Variants in MAST1 observed in about 807,000 individuals in gnomAD.
MAST1 encodes the protein microtubule associated serine/threonine kinase 1.
A neutral mutation model predicts 124.6 loss-of-function variants in MAST1; 40 were observed. That is an observed-to-expected ratio of 0.32 (90% confidence interval 0.25 to 0.42). The LOEUF (loss-of-function observed/expected upper bound fraction) is 0.42, where lower values mean the gene tolerates loss of function less well. MAST1 is among the 10% of genes least tolerant of loss of function. The probability of loss-of-function intolerance (pLI) is 1.00; values close to 1 mark genes in which losing one functional copy is unlikely to be tolerated. For synonymous variants in MAST1, 938 were observed against 939.4 expected (o/e 1.00, Z 0.03); for missense variants, 1,558 against 2,181.9 (o/e 0.71, Z 5.70).
At position 12,871,080 on chromosome 19, in the gene MAST1, C is replaced by T. The variant is rs1444617393; in HGVS notation, c.3171C>T (p.Thr1057=). Residue 1057 remains threonine (T), a synonymous_variant, in exon 24 of 26, where the codon ACC becomes ACT. Coordinates refer to ENST00000251472, the MANE Select transcript of MAST1 (RefSeq NM_014975.3). ...TGACCACAACGCCCTTCGAAAATACCTCTATCCGCATTGGTCCCGCAAGGC... is the reference window on the plus strand; with the variant it reads ...TGACCACAACGCCCTTCGAAAATACTTCTATCCGCATTGGTCCCGCAAGGC... ...VAVTTTPFEN[T]SIRIGPARRS... 6.2e-7 allele frequency: 1 copy of T among 1,614,216 alleles called. No individual in the cohort carries two copies. The highest frequency in any genetic ancestry group is 8.5e-7 in the Non-Finnish European group (1 of 1,180,038).
In MAST1 at chr19:12,874,815, C is replaced by G. The variant is rs1265415280; in HGVS notation, c.4658C>G (p.Pro1553Arg). 6.3e-7 allele frequency: 1 copy of G among 1,597,516 alleles called. No homozygotes were observed. The highest frequency in any genetic ancestry group is 2.3e-5 in the East Asian group (1 of 44,328). Residue 1553 changes from proline (P) to arginine (R), a missense_variant, in exon 26 of 26, where the codon CCC (proline) becomes CGC (arginine). Pro to Arg is a moderately radical substitution (Grantham distance 103). Around this residue, in one of 10 missense-constraint regions of MAST1, gnomAD observed 168 missense variants for 154.3 expected, o/e 1.09. Transcript: ENST00000251472. This position sits in a 1 kb window ranked among gnomAD's most constrained non-coding sequence, Gnocchi z 6.6. ...TCCCGGTGCCCTGCTGAAGCTGTGC[C>G]CCCAGCAGGCCTGACCAAAAAAGGA... Reference protein sequence around the residue: ...LTSRCPAEAVPPAGLTKKGVS... With the variant: ...LTSRCPAEAVRPAGLTKKGVS...
chr19:12,857,186 C>T (rs894174697), intron 10 of MAST1, among the ~76,000 whole-genome samples: 1 of 151,936 alleles, frequency 6.6e-6, no homozygotes, highest in Non-Finnish European at 1.5e-5. Context: ...TGGGTTCAAG[C>T]GATTCTCCTG....
intron 22 of MAST1, among the ~76,000 whole-genome samples, chr19:12,870,282 G>C (rs1970214922): frequency 6.6e-6 from 1 of 151,412 alleles, no homozygotes; most frequent in African/African-American, 2.4e-5. Context: ...GAGGTTAGGA[G>C]TTTGAGATCA....
chr19:12,843,769 G>A lies in MAST1; in HGVS notation c.327+162G>A, dbSNP rs1969859051. 1.3e-5 allele frequency among the ~76,000 whole-genome samples: 2 copies of A among 152,160 alleles called. No homozygotes were observed. Among genetic ancestry groups the A allele is most frequent in the Non-Finnish European group, 1.5e-5 (1 of 68,030 alleles). On this transcript the variant is annotated intron_variant, in intron 4 of 25. Transcript: ENST00000251472. The surrounding 1 kb of genome is among the most constrained non-coding windows in gnomAD (Gnocchi z 4.9). The stretch of plus-strand genomic sequence containing the variant: ...TAATCCCAGTACTTTGGGAGGCCAA[G>A]ACAGAAGGATTGCTTGAGCCTAGGA...
chr19:12,870,679 A>AAAT, intron 22 of MAST1, 145 bp from the exon 23 acceptor site: 1 of 908,188 alleles, frequency 1.1e-6, no homozygotes, highest in Non-Finnish European at 1.6e-6. Flanking sequence ...AAAAAAAAAA[A>AAAT]TGTGGGGGGA....
At chr19:12,842,232 G>A (rs535248226) in intron 3 of MAST1, among the ~76,000 whole-genome samples, 1 of 152,248 alleles carries the variant, frequency 6.6e-6, no homozygotes, top group East Asian at 1.9e-4. Flanking sequence ...GTGTGTGAGT[G>A]TGTGGCTGTG....
At chr19:12,873,580 T>A in intron 25 of MAST1, 29 bp from the exon 26 acceptor site, 2 of 1,578,466 alleles carry the variant, frequency 1.3e-6, no homozygotes, top group Non-Finnish European at 1.7e-6. Context: ...TGGGCTGTAC[T>A]CACTCGCTTC....
At chr19:12,863,763 T>C (rs1250978016) in intron 12 of MAST1, among the ~76,000 whole-genome samples, 3 of 152,050 alleles carry the variant, frequency 2.0e-5, no homozygotes, top group African/African-American at 4.8e-5. Flanking sequence ...AAAAAGGAAA[T>C]AGATATTGAG....
intron 12 of MAST1, 87 bp downstream of exon 12, chr19:12,858,826 A>G (rs1195120501): frequency 7.7e-7 from 1 of 1,296,446 alleles, no homozygotes; most frequent in East Asian, 2.4e-5. Flanking sequence ...CGCAGTCTCC[A>G]TATTGATTAG....
rs1256262803 is a variant in MAST1 at position 12,873,754 on chromosome 19, C to T, written c.3597C>T (p.Ala1199=). The T allele has an allele frequency of 2.5e-6, 4 of 1,601,470 alleles. No individual in the cohort carries two copies. The highest frequency in any genetic ancestry group is 3.4e-6 in the Non-Finnish European group (4 of 1,179,222). Residue 1199 remains alanine, a synonymous_variant, in exon 26 of 26, where the codon GCC becomes GCT. Coordinates refer to ENST00000251472, the MANE Select transcript of MAST1 (RefSeq NM_014975.3). Reference sequence around the variant, plus strand: ...ACCGCTCTGCGCGATGCAAGTCGGCCGGCAACATCCCTCTATCGCCGCTGG... The same window carrying T: ...ACCGCTCTGCGCGATGCAAGTCGGCTGGCAACATCCCTCTATCGCCGCTGG... ...RQYRSARCKS[A]GNIPLSPLAH...
chr19:12,867,417 T>C, intron 18 of MAST1, 57 bp from the exon 19 acceptor site: 2 of 1,597,698 alleles, frequency 1.3e-6, no homozygotes, highest in South Asian at 2.2e-5. Flanking sequence ...GGAAGCTGAT[T>C]AGCTCCGGAG....
Position 12,858,533 on chromosome 19 carries a change from C to T in MAST1, c.1160C>T (p.Ala387Val), listed in dbSNP as rs375774800. 1.6e-5 allele frequency: 26 copies of T among 1,614,004 alleles called. No individual in the cohort carries two copies. Among genetic ancestry groups the T allele is most frequent in the Non-Finnish European group, 2.1e-5 (25 of 1,179,964 alleles). The change falls in exon 12 of 26, where the codon GCT (alanine) becomes GTT (valine). Residue 387 changes from alanine to valine, a missense_variant and splice_region_variant. Transcript: ENST00000251472. ...IKLISNGAYG[A>V]VYLVRHRDTR... is the part of the protein sequence containing the mutation. ...GTCCTCGCTCTCTCCCCCTGCAGCG[C>T]TGTCTACCTGGTGCGGCACCGCGAC...
In MAST1 at chr19:12,841,610, G is replaced by A. The variant is rs1969828893; in HGVS notation, c.248+544G>A. On this transcript the variant is annotated intron_variant, in intron 3 of 25. Transcript: ENST00000251472. This position sits in a 1 kb window ranked among gnomAD's most constrained non-coding sequence, Gnocchi z 4.3. ...AGAGGTTTCTCTGATGTTTTCTGGA[G>A]AAACGTTTCTGGGAGTTTGGGCCTG... Among the ~76,000 whole-genome samples the A allele has an allele frequency of 6.6e-6, 1 of 152,218 alleles. No individual in the cohort carries two copies.
Position 12,858,390 on chromosome 19 carries a change from C to T in MAST1, c.1106C>T (p.Pro369Leu). 6.2e-7 allele frequency: 1 copy of T among 1,613,924 alleles called. No individual in the cohort carries two copies. The highest frequency in any genetic ancestry group is 8.5e-7 in the Non-Finnish European group (1 of 1,179,940). ...CGCAGCAGCAAGGCCAAGAAACCGC[C>T]GGGGGAGAATGACTTCGATACCATC... ...EGRSSKAKKP[P>L]GENDFDTIKL... Residue 369 changes from proline (P) to leucine (L), a missense_variant, in exon 11 of 26, where the codon CCG becomes CTG. Pro to Leu is a moderately conservative substitution (Grantham distance 98). Around this residue, in one of 10 missense-constraint regions of MAST1, gnomAD observed 136 missense variants for 160.9 expected, o/e 0.85. Coordinates refer to ENST00000251472, the MANE Select transcript of MAST1 (RefSeq NM_014975.3).
intron 10 of MAST1, among the ~76,000 whole-genome samples, chr19:12,854,973 G>A (rs1233097460): frequency 2.0e-5 from 3 of 152,188 alleles, no homozygotes; most frequent in African/African-American, 7.2e-5. Context: ...GCTCACGGCT[G>A]TAATCCCAGC....
At position 12,838,626 on chromosome 19, in the gene MAST1, C is replaced by T. The variant is rs1420980320; in HGVS notation, c.54C>T (p.Pro18=). The change falls in exon 1 of 26, where the codon CCC becomes CCT. Residue 18 remains proline (P), a synonymous_variant. Transcript: ENST00000251472. The surrounding 1 kb of genome is among the most constrained non-coding windows in gnomAD (Gnocchi z 4.3). ...CTAATTTCTCGATGCCCTCCTTCCC[C>T]GGCGGCAGTATGTTCCGCCGCACCA... ...ALSNFSMPSF[P]GGSMFRRTKS... 2 of 1,610,280 alleles carry T rather than the reference C, an allele frequency of 1.2e-6. No individual in the cohort carries two copies. The highest frequency in any genetic ancestry group is 2.7e-5 in the African/African-American group (2 of 74,380).
chr19:12,859,277 G>T (rs1014833003), intron 12 of MAST1, among the ~76,000 whole-genome samples: 18 of 151,988 alleles, frequency 1.2e-4, no homozygotes, highest in African/African-American at 4.3e-4. Flanking sequence ...ACAGGATTTC[G>T]CCATGTTTGC....
chr19:12,848,194 G>C lies in MAST1; in HGVS notation c.774+137G>C. 3.9e-6 allele frequency: 3 copies of C among 762,858 alleles called. No individual in the cohort carries two copies. The South Asian group carries it at 5.3e-5, about 13-fold the overall frequency. The allele number at this position is 762,858 out of a possible 1,614,324, so 47.3% of individuals were successfully genotyped here. ...GCACTGGCGTGGAGCTGAGGACTCAGGGGTGGAAGTGGTCCCTTCCCTAGG... is the reference window on the plus strand; with the variant it reads ...GCACTGGCGTGGAGCTGAGGACTCACGGGTGGAAGTGGTCCCTTCCCTAGG... On this transcript the variant is annotated intron_variant, in intron 7 of 25. Coordinates refer to ENST00000251472, the MANE Select transcript of MAST1 (RefSeq NM_014975.3).
In MAST1 at chr19:12,847,170, A is replaced by G. The variant is rs2145889797; in HGVS notation, c.328-120A>G. ...AGATCCTAGGATCCAAGGATCGTAA[A>G]TCAGGTCCTGATCCTGGCCTTGCCC... On this transcript the variant is annotated intron_variant, in intron 4 of 25. Transcript: ENST00000251472. The surrounding 1 kb of genome is among the most constrained non-coding windows in gnomAD (Gnocchi z 5.5). 2.9e-6 allele frequency: 2 copies of G among 681,544 alleles called. No homozygotes were observed. Among genetic ancestry groups the G allele is most frequent in the Middle Eastern group, 4.0e-4 (1 of 2,530 alleles). The allele number at this position is 681,544 out of a possible 1,614,324, so 42.2% of individuals were successfully genotyped here. A position where few individuals can be genotyped will look rare whatever the true frequency, so the allele number is the denominator to read the frequency against.
Sources: allele counts gnomAD v4.1 joint callset (sites outside exome capture counted in the v4.1 genomes callset), GRCh38; gene constraint gnomAD v4.1.1; regional missense constraint gnomAD v4.1.1; non-coding constraint Gnocchi (gnomAD v3.1); transcripts MANE v1.5; gene names NCBI Gene and HGNC (gene_info 2026-07-23, HGNC 2026-07-21).